PTPRT: variants seen among roughly 807,000 people sequenced by gnomAD.
PTPRT encodes the protein receptor-type tyrosine-protein phosphatase T.
In PTPRT, 56 loss-of-function variants were observed where a neutral mutation model predicts 176.8. The ratio of observed to expected loss-of-function variants is 0.32; its 90% confidence interval spans 0.26 to 0.40. PTPRT has a LOEUF of 0.40. PTPRT is among the 10% of genes least tolerant of loss of function. The pLI, the probability that PTPRT is intolerant of heterozygous loss-of-function variation, is 1.00. For synonymous variants in PTPRT, 783 were observed against 739.0 expected (o/e 1.06, Z -0.96); for missense variants, 1,540 against 1,908.2 (o/e 0.81, Z 3.60).
At chr20:43,164,891 A>C (rs1165799233) in intron 1 of PTPRT, among the ~76,000 whole-genome samples, 1 of 152,196 alleles carries the variant, frequency 6.6e-6, no homozygotes, top group Admixed American at 6.5e-5. Flanking sequence ...GCCATACAAA[A>C]ACAGGCAGCA....
chr20:42,171,684 A>G (rs563323327), intron 16 of PTPRT, among the ~76,000 whole-genome samples: 1 of 152,238 alleles, frequency 6.6e-6, no homozygotes, highest in Non-Finnish European at 1.5e-5. Context: ...AAAAAACAAA[A>G]CAAAAGAAAA....
intron 7 of PTPRT, among the ~76,000 whole-genome samples, chr20:42,526,898 T>C (rs1394931727): frequency 3.3e-5 from 5 of 151,868 alleles, no homozygotes; most frequent in Admixed American, 1.3e-4. Context: ...ATTAATGTCA[T>C]AGGATTAAGT....
chr20:42,919,791 A>G (rs1600557191), intron 1 of PTPRT, among the ~76,000 whole-genome samples: 1 of 152,204 alleles, frequency 6.6e-6, no homozygotes, highest in South Asian at 2.1e-4. Context: ...TTACTTACGA[A>G]TGTTCCTTTT....
intron 7 of PTPRT, among the ~76,000 whole-genome samples, chr20:42,508,234 C>A (rs2071885154): frequency 6.7e-6 from 1 of 149,984 alleles, no homozygotes; most frequent in Non-Finnish European, 1.5e-5. Context: ...ACTCAAAATA[C>A]TGTTTTATGT....
chr20:42,282,573 T>C (rs1003483436), intron 12 of PTPRT, 48 bp from the exon 13 acceptor site: 1 of 1,484,474 alleles, frequency 6.7e-7, no homozygotes, highest in Non-Finnish European at 9.3e-7. Context: ...GTGAGTTATA[T>C]AAAATTGTTA....
rs182050431 is a variant in PTPRT, at chr20:42,112,980, T to C, written c.3099+2219A>G. Among the ~76,000 whole-genome samples the C allele has an allele frequency of 4.2e-3, 642 of 152,318 alleles. 5 individuals are homozygous for C. The highest frequency in any genetic ancestry group is 0.015 in the African/African-American group (608 of 41,574). On this transcript the variant is annotated intron_variant, in intron 22 of 30. Coordinates refer to ENST00000373187, the MANE Select transcript of PTPRT (RefSeq NM_007050.6). ...CGAGCTCTTCCCACCTGTGCTGTGA[T>C]GATTTATCAAGGATCCTCTCTCCCC...
chr20:42,800,116 T>C (rs1197806942), intron 2 of PTPRT, among the ~76,000 whole-genome samples: 3 of 152,250 alleles, frequency 2.0e-5, no homozygotes, highest in South Asian at 2.1e-4. Flanking sequence ...TTAATTCTTA[T>C]ATCAACCCTA....
At chr20:43,088,514 T>C (rs901500605) in intron 1 of PTPRT, among the ~76,000 whole-genome samples, 8 of 152,120 alleles carry the variant, frequency 5.3e-5, no homozygotes, top group Non-Finnish European at 7.4e-5. Flanking sequence ...CTAGGAATGA[T>C]TCAACTTCTA....
chr20:42,515,906 A>G (rs1334218719), intron 7 of PTPRT, among the ~76,000 whole-genome samples: 3 of 150,170 alleles, frequency 2.0e-5, no homozygotes, highest in African/African-American at 7.4e-5. Context: ...CATATACACC[A>G]TGGAATACTA....
Position 42,499,720 on chromosome 20 carries a change from G to A in PTPRT, c.1154-27158C>T, listed in dbSNP as rs186180451. ...TTGATATTTCTGGGCTGCATGATGC[G>A]TCTGCAAGTTTTTCAAATCATTGCA... On this transcript the variant is annotated intron_variant, in intron 7 of 30. Transcript: ENST00000373187. 7.8e-4 allele frequency among the ~76,000 whole-genome samples: 119 copies of A among 152,144 alleles called. 2 individuals are homozygous for A. Among genetic ancestry groups the A allele is most frequent in the South Asian group, 2.5e-3 (12 of 4,816 alleles).
intron 1 of PTPRT, among the ~76,000 whole-genome samples, chr20:43,016,432 C>T (rs928596945): frequency 6.6e-6 from 1 of 151,896 alleles, no homozygotes; most frequent in Non-Finnish European, 1.5e-5. Flanking sequence ...GTGGTCTCCC[C>T]TTTCCTTTCC....
chr20:42,156,032 C>A (rs774999271), intron 17 of PTPRT, among the ~76,000 whole-genome samples: 1 of 152,152 alleles, frequency 6.6e-6, no homozygotes. Flanking sequence ...CCTCCCAAAC[C>A]GTTTCTGGTT....
At chr20:42,974,114 A>C (rs1297749232) in intron 1 of PTPRT, among the ~76,000 whole-genome samples, 1 of 152,168 alleles carries the variant, frequency 6.6e-6, no homozygotes, top group Admixed American at 6.5e-5. Flanking sequence ...ATATCCCGCC[A>C]ACCAGCAGCA....
intron 1 of PTPRT, among the ~76,000 whole-genome samples, chr20:43,146,662 C>T (rs2014179678): frequency 6.6e-6 from 1 of 152,114 alleles, no homozygotes; most frequent in African/African-American, 2.4e-5. Context: ...GGGTACTGAG[C>T]ATGCCACTAG....
chr20:42,989,465 C>T (rs900691315), intron 1 of PTPRT, among the ~76,000 whole-genome samples: 25 of 152,188 alleles, frequency 1.6e-4, no homozygotes, highest in African/African-American at 6.0e-4. Flanking sequence ...GTGGCTGGTG[C>T]CCTTCCTGGG....
rs62204939 is a variant in PTPRT at position 42,481,655 on chromosome 20, T to C, written c.1154-9093A>G. Among the ~76,000 whole-genome samples the C allele has an allele frequency of 8.3e-3, 1,261 of 151,756 alleles. 11 individuals are homozygous for C. The highest frequency in any genetic ancestry group is 0.014 in the Middle Eastern group (4 of 294). On this transcript the variant is annotated intron_variant, in intron 7 of 30. Transcript: ENST00000373187. ...TTTTAATTTTTTTTTTAGAGGCAAG[T>C]ATCTCACTATTTGCCCAAGCGGGTC...
chr20:42,212,965 G>T (rs1408966784), intron 15 of PTPRT, among the ~76,000 whole-genome samples: 1 of 152,172 alleles, frequency 6.6e-6, no homozygotes, highest in Non-Finnish European at 1.5e-5. Flanking sequence ...TTACCAGTGA[G>T]ATTCTAATTT....
At chr20:42,517,610 A>C (rs2072093076) in intron 7 of PTPRT, among the ~76,000 whole-genome samples, 1 of 151,990 alleles carries the variant, frequency 6.6e-6, no homozygotes. Context: ...CATCTTTGCT[A>C]ACATAAACAT....
intron 15 of PTPRT, among the ~76,000 whole-genome samples, chr20:42,222,438 C>T (rs865989815): frequency 1.3e-5 from 2 of 152,156 alleles, no homozygotes; most frequent in Admixed American, 6.5e-5. Context: ...CAGGGGAAGG[C>T]CTCAGGTGAT....
Sources: gnomAD v4.1 joint callset for allele counts (sites outside exome capture counted in the v4.1 genomes callset) on GRCh38, gnomAD v4.1.1 for gene constraint, MANE v1.5 for transcripts, NCBI Gene and HGNC (gene_info 2026-07-23, HGNC 2026-07-21) for gene names.